The following CHODL variants were observed in gnomAD, a reference collection of about 807,000 sequenced individuals.
CHODL encodes the protein chondrolectin.
Under a neutral mutation model 34.5 loss-of-function variants are expected in CHODL, and 29 were observed. That is an observed-to-expected ratio of 0.84 (90% CI 0.63 to 1.15). The LOEUF is 1.15. CHODL is among the 50% of genes most tolerant of loss of function. The probability of loss-of-function intolerance (pLI) is 0.00; values close to 1 mark genes in which losing one functional copy is unlikely to be tolerated. For synonymous variants in CHODL, 125 were observed against 116.1 expected (o/e 1.08, Z -0.49); for missense variants, 332 against 332.5 (o/e 1.00, Z 0.01).
Position 17,955,552 on chromosome 21 carries a change from G to A in CHODL, c.-145+38152G>A, listed in dbSNP as rs1270429675. 1.5e-5 allele frequency among the ~76,000 whole-genome samples: 2 copies of A among 136,448 alleles called. 1 individual carries two copies. The highest frequency in any genetic ancestry group is 3.3e-5 in the Non-Finnish European group (2 of 60,102). The allele number at this position is 136,448 out of a possible 152,430, so 89.5% of individuals were successfully genotyped here. ...ATATTCAATTAAAATTCTGCATAAT[G>A]ACTCTTTAGACAGTCACCAGGGGAG... On this transcript the variant is annotated intron_variant, in intron 1 of 6. Transcript: ENST00000400127.
chr21:18,237,324 C>T (rs1046324739), intron 2 of CHODL, among the ~76,000 whole-genome samples: 17 of 151,996 alleles, frequency 1.1e-4, no homozygotes, highest in African/African-American at 3.6e-4. Context: ...GAAGAAATTA[C>T]GTATAGCGAA....
At chr21:18,218,842 C>T (rs904420511) in intron 2 of CHODL, among the ~76,000 whole-genome samples, 1 of 152,168 alleles carries the variant, frequency 6.6e-6, no homozygotes, top group African/African-American at 2.4e-5. Context: ...GCAAGTTTCT[C>T]ATCTCCATCT....
At chr21:18,243,338 C>T (rs1345069477), upstream of CHODL, among the ~76,000 whole-genome samples, 4 of 152,130 alleles carry the variant, frequency 2.6e-5, no homozygotes, top group East Asian at 1.9e-4. Flanking sequence ...TGCCTGGAGG[C>T]GTATCAGTTT....
At chr21:18,043,394 A>G (rs1451165897) in intron 2 of CHODL, among the ~76,000 whole-genome samples, 1 of 152,022 alleles carries the variant, frequency 6.6e-6, no homozygotes, top group African/African-American at 2.4e-5. Flanking sequence ...TATATGCAGT[A>G]TGTGAATCTG....
chr21:18,002,842 G>A (rs530633753), intron 1 of CHODL, among the ~76,000 whole-genome samples: 1 of 152,148 alleles, frequency 6.6e-6, no homozygotes, highest in Admixed American at 6.5e-5. Context: ...CCAAGAGCCC[G>A]GCCGGGCGCT....
chr21:17,999,750 A>G (rs907897204), intron 1 of CHODL, among the ~76,000 whole-genome samples: 2 of 152,172 alleles, frequency 1.3e-5, no homozygotes, highest in Admixed American at 1.3e-4. Flanking sequence ...CTCCCACAAC[A>G]CATGGGAATT....
At position 18,221,601 on chromosome 21, in the gene CHODL, T is replaced by C. The variant is rs796703539; in HGVS notation, c.-44-34908T>C. 3.2e-4 allele frequency among the ~76,000 whole-genome samples: 49 copies of C among 152,338 alleles called. 1 individual carries two copies. The highest frequency in any genetic ancestry group is 1.2e-3 in the African/African-American group (48 of 41,582). On this transcript the variant is annotated intron_variant, in intron 2 of 6. Transcript: ENST00000400127. ...TGCTTTCATTTTCTTCCTGGTTAGG[T>C]ACCATAGTATAGTCTTAGTATGATT...
At chr21:18,043,572 T>G (rs1348895323) in intron 2 of CHODL, among the ~76,000 whole-genome samples, 1 of 151,890 alleles carries the variant, frequency 6.6e-6, no homozygotes, top group East Asian at 1.9e-4. Flanking sequence ...ATTCTTTCCA[T>G]TCTCACTAGA....
At chr21:18,044,650 C>A (rs183504918) in intron 2 of CHODL, among the ~76,000 whole-genome samples, 8 of 151,666 alleles carry the variant, frequency 5.3e-5, no homozygotes, top group African/African-American at 1.5e-4. Flanking sequence ...AAAGAAATAC[C>A]TTTTTTTTCC....
intron 2 of CHODL, among the ~76,000 whole-genome samples, chr21:18,147,530 ATTATT>A: frequency 6.6e-6 from 1 of 152,358 alleles, no homozygotes; most frequent in Non-Finnish European, 1.5e-5. Context: ...CATAATTTCT[ATTATT>A]TTCTTATAAT....
Position 18,254,431 on chromosome 21 carries a change from T to C in CHODL, c.80-2078T>C, listed in dbSNP as rs139344157. Among the ~76,000 whole-genome samples the C allele has an allele frequency of 7.1e-3, 1,078 of 152,220 alleles. 17 individuals are homozygous for C. The highest frequency in any genetic ancestry group is 0.024 in the African/African-American group (1,013 of 41,524). On this transcript the variant is annotated intron_variant, in intron 1 of 5. Transcript: ENST00000299295. ...TCAGAAAGTAGAAGAGGCTATGGAC[T>C]ATGGAAAGCAGTCTGGGCATAAGAA...
chr21:18,229,082 A>G (rs2073956155), intron 2 of CHODL, among the ~76,000 whole-genome samples: 1 of 152,180 alleles, frequency 6.6e-6, no homozygotes, highest in Non-Finnish European at 1.5e-5. Context: ...GACATATAGT[A>G]AAAACAACAG....
rs71318131 is a variant in CHODL at position 18,167,309 on chromosome 21, A to ATTT, written c.-44-89184_-44-89182dup. On this transcript the variant is annotated intron_variant, in intron 2 of 6. Transcript: ENST00000400127. Reference sequence around the variant, plus strand: ...TTTTACTGAAGTGTTTTCTATTAAGATTTTTTTTTTTTTTTTTTGAGACGG... The same window carrying ATTT: ...TTTTACTGAAGTGTTTTCTATTAAGATTTTTTTTTTTTTTTTTTTTTGAGACGG... 6.2e-3 allele frequency among the ~76,000 whole-genome samples: 635 copies of ATTT among 103,050 alleles called. 53 individuals carry two copies. The highest frequency in any genetic ancestry group is 0.023 in the East Asian group (75 of 3,198). The allele number at this position is 103,050 out of a possible 152,430, so 67.6% of individuals were successfully genotyped here.
intron 2 of CHODL, among the ~76,000 whole-genome samples, chr21:18,055,471 G>A (rs1568863407): frequency 6.6e-6 from 1 of 152,010 alleles, no homozygotes. Context: ...AAGCTTCCAA[G>A]TAAAAGATAG....
intron 2 of CHODL, among the ~76,000 whole-genome samples, chr21:18,220,590 T>C (rs1301161115): frequency 6.6e-6 from 1 of 152,176 alleles, no homozygotes; most frequent in African/African-American, 2.4e-5. Context: ...CTTGTAGGCC[T>C]GATCTAGTCA....
At chr21:18,037,090 C>T (rs888210630) in intron 2 of CHODL, among the ~76,000 whole-genome samples, 1 of 151,856 alleles carries the variant, frequency 6.6e-6, no homozygotes, top group African/African-American at 2.4e-5. Context: ...CCATATATAA[C>T]ATATTTTCAC....
intron 1 of CHODL, among the ~76,000 whole-genome samples, chr21:18,246,864 T>C (rs73318226): frequency 0.07 from 10,704 of 152,188 alleles, 1,242 homozygotes; most frequent in African/African-American, 0.24. Context: ...TTTTTCCAAA[T>C]CTTTTGTTAG....
chr21:18,181,988 T>G (rs985923302), intron 2 of CHODL, among the ~76,000 whole-genome samples: 18 of 152,208 alleles, frequency 1.2e-4, no homozygotes, highest in African/African-American at 3.9e-4. Context: ...TATGAGTTAT[T>G]TTCACTTTTT....
intron 2 of CHODL, among the ~76,000 whole-genome samples, chr21:18,082,182 T>A (rs980719748): frequency 5.3e-5 from 8 of 152,264 alleles, no homozygotes; most frequent in African/African-American, 1.9e-4. Flanking sequence ...TTTCAAAGTG[T>A]GTGGCACTTC....
Sources: allele counts gnomAD v4.1 joint callset (sites outside exome capture counted in the v4.1 genomes callset), GRCh38; gene constraint gnomAD v4.1.1; transcripts MANE v1.5; gene names NCBI Gene and HGNC (gene_info 2026-07-23, HGNC 2026-07-21).